The following LYVE1 variants were observed in gnomAD, a reference collection of about 807,000 sequenced individuals.
The protein encoded by LYVE1 is lymphatic vessel endothelial hyaluronan receptor 1.
LYVE1 carries 29 observed loss-of-function variants against 31.5 expected under a neutral mutation model. That is an observed-to-expected ratio of 0.92 (90% CI 0.69 to 1.26). The LOEUF is 1.26. LYVE1 is among the 50% of genes most tolerant of loss of function. The pLI is 0.00. For synonymous variants in LYVE1, 134 were observed against 139.4 expected (o/e 0.96, Z 0.27); for missense variants, 376 against 380.2 (o/e 0.99, Z 0.09).
chr11:10,560,613 C>T lies in LYVE1; in HGVS notation c.585G>A (p.Arg195=). The T allele has an allele frequency of 6.2e-7, 1 of 1,613,976 alleles. No homozygotes were observed. Residue 195 remains arginine, a synonymous_variant, in exon 4 of 6, where the codon CGG becomes CGA. Transcript: ENST00000256178. The part of the protein sequence containing the change: ...PPAPASTSIP[R]RKKLICVTEV... ...CTGTGACACAAATCAATTTTTTTCTCCGTGGAATAGAAGTGGAAGCTGGAG... is the reference window on the plus strand; with the variant it reads ...CTGTGACACAAATCAATTTTTTTCTTCGTGGAATAGAAGTGGAAGCTGGAG...
intron 1 of LYVE1, 66 bp from the exon 2 acceptor site, chr11:10,564,440 T>C: frequency 1.4e-6 from 2 of 1,469,014 alleles, no homozygotes; most frequent in Non-Finnish European, 1.9e-6. Context: ...AGACTCTCCT[T>C]CCCAGCAGAG....
intron 1 of LYVE1, among the ~76,000 whole-genome samples, chr11:10,564,886 G>T (rs1412885601): frequency 6.6e-6 from 1 of 152,170 alleles, no homozygotes; most frequent in African/African-American, 2.4e-5. Flanking sequence ...AGGTCTTTTG[G>T]CCACTGGGGG....
chr11:10,560,739 A>G lies in LYVE1; in HGVS notation c.459T>C (p.Thr153=), dbSNP rs144558747. The G allele has an allele frequency of 9.1e-5, 147 of 1,613,872 alleles. 1 individual carries two copies. In the African/African-American group the frequency reaches 1.8e-3, roughly 20 times the overall value. ...IITTKDPIFN[T]QTATQTTEFI... The stretch of plus-strand genomic sequence containing the variant: ...ATTCTGTTGTTTGTGTTGCAGTTTG[A>G]GTGTTGAATATGGGATCTTTGGTGG... Residue 153 remains threonine, a synonymous_variant, in exon 4 of 6, where the codon ACT becomes ACC. Coordinates refer to ENST00000256178, the MANE Select transcript of LYVE1 (RefSeq NM_006691.4).
intron 1 of LYVE1, among the ~76,000 whole-genome samples, chr11:10,566,350 TCCAC>T (rs1282043397): frequency 6.6e-6 from 1 of 152,150 alleles, no homozygotes; most frequent in Non-Finnish European, 1.5e-5. Flanking sequence ...CCTCAGGTGA[TCCAC>T]CCACCTCGGC....
chr11:10,565,879 C>T (rs141179753), intron 1 of LYVE1, among the ~76,000 whole-genome samples: 2,340 of 151,856 alleles, frequency 0.015, 69 homozygotes, highest in African/African-American at 0.054. Flanking sequence ...AGCGTGATCT[C>T]GGCTCACTGT....
At position 10,564,319 on chromosome 11, in the gene LYVE1, C is replaced by G. The variant is rs1850492453; in HGVS notation, c.141G>C (p.Lys47Asn). Residue 47 changes from lysine to asparagine, a missense_variant, in exon 2 of 6, where the codon AAG becomes AAC. Physicochemically the swap from Lys to Asn is moderately conservative, Grantham distance 94. Coordinates refer to ENST00000256178, the MANE Select transcript of LYVE1 (RefSeq NM_006691.4). ...CTGTGAAATTCAGCTGCTGGTTCGC[C>G]TTTTTGCTCACAAGGGTGATCCCCA... Reference protein sequence around the residue: ...RIMGITLVSKKANQQLNFTEA... With the variant: ...RIMGITLVSKNANQQLNFTEA... 1.2e-6 allele frequency: 2 copies of G among 1,614,224 alleles called. No individual in the cohort carries two copies. Among genetic ancestry groups the G allele is most frequent in the African/African-American group, 2.7e-5 (2 of 75,064 alleles).
chr11:10,557,972 TA>T lies in LYVE1; in HGVS notation c.*1138del, dbSNP rs1023183987. ...GTGATACATTTGTTAATGGCACTTT[TA>T]AAATGTGCTTTGGTATATAGAGGTA... On this transcript the variant is annotated 3_prime_UTR_variant, in exon 6 of 6. Transcript: ENST00000256178. 4 of 152,236 alleles carry T rather than the reference TA, an allele frequency of 2.6e-5. No individual in the cohort carries two copies. Among genetic ancestry groups the T allele is most frequent in the African/African-American group, 9.6e-5 (4 of 41,470 alleles). The allele number at this position is 152,236 out of a possible 1,614,324, so 9.4% of individuals were successfully genotyped here.
chr11:10,563,722 T>C (rs1850477682), intron 3 of LYVE1, among the ~76,000 whole-genome samples: 1 of 152,188 alleles, frequency 6.6e-6, no homozygotes, highest in Non-Finnish European at 1.5e-5. Context: ...CTCCTGAATG[T>C]CTTCTCGTGT....
rs72861063 is a variant in LYVE1, at chr11:10,568,647, A to G, written c.-115T>C. ...GTTCTGGAACTATGTTGAGGCTCAC[A>G]CTCACTGCTCCACTTCATAACCGAG... is the stretch of plus-strand genomic sequence containing the variant. On this transcript the variant is annotated 5_prime_UTR_variant, in exon 1 of 6. Transcript: ENST00000256178. 0.012 allele frequency: 16,855 copies of G among 1,368,408 alleles called. 139 individuals are homozygous for G. The highest frequency in any genetic ancestry group is 0.014 in the Non-Finnish European group (14,227 of 1,049,282). 84.8% of individuals were successfully genotyped at this position (1,368,408 alleles called of 1,614,324 possible). A position where few individuals can be genotyped will look rare whatever the true frequency, so the allele number is the denominator to read the frequency against.
Position 10,559,282 on chromosome 11 carries a change from G to T in LYVE1, c.798C>A (p.Phe266Leu), listed in dbSNP as rs1850368959. ...TCTGCTGATTCTTGTTTGTAAAAGG[G>T]AAGGCCTTCACATACCTTTAGGCAG... ...FCYVKRYVKA[F>L]PFTNKNQQKE... Residue 266 changes from phenylalanine to leucine, a missense_variant, in exon 6 of 6, where the codon TTC becomes TTA. Coordinates refer to ENST00000256178, the MANE Select transcript of LYVE1 (RefSeq NM_006691.4). 6.2e-7 allele frequency: 1 copy of T among 1,613,716 alleles called. No homozygotes were observed. The highest frequency in any genetic ancestry group is 8.5e-7 in the Non-Finnish European group (1 of 1,179,820).
chr11:10,560,300 C>T (rs575172326), intron 4 of LYVE1, among the ~76,000 whole-genome samples, 195 bp downstream of exon 4: 2 of 152,306 alleles, frequency 1.3e-5, no homozygotes, highest in African/African-American at 4.8e-5. Context: ...TTTATACTTA[C>T]ACTTTTTAGC....
In LYVE1 at chr11:10,559,076, C is replaced by T. The variant is rs1387388616; in HGVS notation, c.*35G>A. 4.4e-6 allele frequency: 7 copies of T among 1,596,912 alleles called. No homozygotes were observed. In the Admixed American group the frequency reaches 1.2e-4, roughly 28 times the overall value. On this transcript the variant is annotated 3_prime_UTR_variant, in exon 6 of 6. Coordinates refer to ENST00000256178, the MANE Select transcript of LYVE1 (RefSeq NM_006691.4). ...GGCAGGGTAAGGAGCATGAAAGAAA[C>T]CAGCCTCAGGTGTGTCTCCTCATTT...
chr11:10,567,567 A>G (rs996639974), intron 1 of LYVE1, among the ~76,000 whole-genome samples: 5 of 152,244 alleles, frequency 3.3e-5, no homozygotes, highest in African/African-American at 7.2e-5. Context: ...AGCATATTTT[A>G]TATCTCAGGT....
chr11:10,559,214 T>C lies in LYVE1; in HGVS notation c.866A>G (p.Asn289Ser), dbSNP rs746141063. The change falls in exon 6 of 6, where the codon AAT becomes AGT. Residue 289 changes from asparagine (N) to serine (S), a missense_variant. By Grantham distance (46) the Asn-to-Ser change is conservative. Coordinates refer to ENST00000256178, the MANE Select transcript of LYVE1 (RefSeq NM_006691.4). ...TGATTCCTCATTAGGGTTGCTATCA[T>C]TGGCCTTCTCCTCCTTTACTACTTT... ...ETKVVKEEKA[N>S]DSNPNEESKK... is the part of the protein sequence containing the mutation. The C allele has an allele frequency of 5.6e-5, 90 of 1,614,074 alleles. No homozygotes were observed. Among genetic ancestry groups the C allele is most frequent in the Middle Eastern group, 1.6e-4 (1 of 6,084 alleles).
intron 3 of LYVE1, among the ~76,000 whole-genome samples, chr11:10,561,216 T>G (rs1421568558): frequency 6.6e-6 from 1 of 152,190 alleles, no homozygotes; most frequent in Non-Finnish European, 1.5e-5. Context: ...CAGGCAGACT[T>G]GTTGACTTGA....
chr11:10,568,319 G>A (rs1850582647), intron 1 of LYVE1, 129 bp downstream of exon 1: 1 of 732,882 alleles, frequency 1.4e-6, no homozygotes, highest in Non-Finnish European at 2.1e-6. Context: ...TTTTGGCAGA[G>A]CAGTACCACC....
intron 3 of LYVE1, among the ~76,000 whole-genome samples, chr11:10,562,621 A>G (rs1160818391): frequency 3.9e-5 from 6 of 152,246 alleles, no homozygotes; most frequent in Non-Finnish European, 7.3e-5. Flanking sequence ...TAATAATCAG[A>G]CAGGGGTCCT....
rs953584615 is a variant in LYVE1, at chr11:10,564,201, A to T, written c.257+2T>A. On this transcript the variant is annotated splice_donor_variant, in intron 2 of 5. Transcript: ENST00000256178. LOFTEE classifies it high-confidence loss of function. ...GTGACAGTGAAACCAGCTTTTTCTC[A>T]CCTGCAAGTTTCAAAGCTAGCTTTC... The T allele has an allele frequency of 6.2e-7, 1 of 1,613,842 alleles. No individual in the cohort carries two copies. The highest frequency in any genetic ancestry group is 8.5e-7 in the Non-Finnish European group (1 of 1,179,736).
intron 3 of LYVE1, among the ~76,000 whole-genome samples, chr11:10,561,376 T>C (rs1472050326): frequency 6.6e-6 from 1 of 152,194 alleles, no homozygotes; most frequent in Non-Finnish European, 1.5e-5. Flanking sequence ...CAATAACTAT[T>C]TGATGAATAG....
Sources: gnomAD v4.1 joint callset for allele counts (sites outside exome capture counted in the v4.1 genomes callset) on GRCh38, gnomAD v4.1.1 for gene constraint, MANE v1.5 for transcripts, NCBI Gene and HGNC (gene_info 2026-07-23, HGNC 2026-07-21) for gene names.